Variants in UTRN observed in about 807,000 individuals in gnomAD.
UTRN encodes the protein utrophin.
In UTRN, 283 loss-of-function variants were observed where a neutral mutation model predicts 463.9. That is an observed-to-expected ratio of 0.61 (90% CI 0.55 to 0.67). UTRN has a LOEUF of 0.67. Among genes scored for constraint, UTRN ranks in the 30% least tolerant of loss-of-function variants. The pLI is 0.00. For synonymous variants in UTRN, 1,442 were observed against 1,431.5 expected (o/e 1.01, Z -0.17); for missense variants, 3,922 against 4,084.3 (o/e 0.96, Z 1.08).
chr6:144,314,885 A>G (rs559836911), intron 2 of UTRN, among the ~76,000 whole-genome samples: 1 of 152,240 alleles, frequency 6.6e-6, no homozygotes, highest in South Asian at 2.1e-4. Flanking sequence ...GTGCCATTTT[A>G]CATGTATTGC....
chr6:144,759,212 G>T (rs1792360058), intron 58 of UTRN, among the ~76,000 whole-genome samples: 1 of 151,994 alleles, frequency 6.6e-6, no homozygotes, highest in East Asian at 1.9e-4. Flanking sequence ...TTGAGAACAA[G>T]GTATTAAAGC....
intron 54 of UTRN, among the ~76,000 whole-genome samples, chr6:144,732,241 T>TATATATATATATATATATATATATAC (rs1562832431): frequency 1.1e-3 from 26 of 23,902 alleles, no homozygotes; most frequent in Admixed American, 2.3e-3. Flanking sequence ...TATATATACA[T>TATATATATATATATATATATATATAC]ATATATATAT....
chr6:144,700,938 G>A (rs529576159), intron 53 of UTRN, among the ~76,000 whole-genome samples: 10 of 144,584 alleles, frequency 6.9e-5, no homozygotes, highest in East Asian at 6.3e-4. Flanking sequence ...ATGGAGTCTC[G>A]CTCTGTTGCC....
At chr6:144,695,590 G>A (rs1268181345) in intron 52 of UTRN, among the ~76,000 whole-genome samples, 3 of 152,144 alleles carry the variant, frequency 2.0e-5, no homozygotes, top group South Asian at 2.1e-4. Flanking sequence ...TGATTCACCC[G>A]CCTCAGCCTC....
chr6:144,635,525 T>TC (rs1777058406), intron 51 of UTRN, among the ~76,000 whole-genome samples: 2 of 77,240 alleles, frequency 2.6e-5, no homozygotes, highest in Non-Finnish European at 5.0e-5. Context: ...TTTTTTTTTT[T>TC]TTTTCTTTTC....
intron 50 of UTRN, among the ~76,000 whole-genome samples, chr6:144,575,945 A>T (rs572900692): frequency 7.9e-5 from 12 of 152,280 alleles, no homozygotes; most frequent in African/African-American, 2.9e-4. Context: ...GGCAACACCT[A>T]ATCTACTTTC....
Position 144,493,304 on chromosome 6 carries a change from CTG to C in UTRN, c.4443_4444del (p.Tyr1482Ter). ...TTTTTCTTTGTTTGTTTTAAAGAAA[CTG>C]TATAAAACTTTGAGTGAAGTCAAAC... ...IQTHLDKCMK[L>X]YKTLSEVKLE... On this transcript the variant is annotated frameshift_variant, in exon 33 of 75. Coordinates refer to ENST00000367545, the MANE Select transcript of UTRN (RefSeq NM_007124.3). LOFTEE classifies it high-confidence loss of function. The C allele has an allele frequency of 6.2e-7, 1 of 1,613,210 alleles. No homozygotes were observed. The highest frequency in any genetic ancestry group is 8.5e-7 in the Non-Finnish European group (1 of 1,179,576).
intron 52 of UTRN, among the ~76,000 whole-genome samples, chr6:144,689,146 C>T (rs768017800): frequency 6.6e-6 from 1 of 152,160 alleles, no homozygotes; most frequent in African/African-American, 2.4e-5. Flanking sequence ...TGTGACTCTA[C>T]CCCTCATGTA....
At chr6:144,780,182 G>A (rs2128737586) in intron 60 of UTRN, among the ~76,000 whole-genome samples, 1 of 152,244 alleles carries the variant, frequency 6.6e-6, no homozygotes, top group South Asian at 2.1e-4. Flanking sequence ...TTAGTTAACT[G>A]TCAAAATATG....
rs147719596 is a variant in UTRN at position 144,831,420 on chromosome 6, G to GA, written c.9665+2569dup. Among the ~76,000 whole-genome samples, 986 of 152,208 alleles carry GA rather than the reference G, an allele frequency of 6.5e-3. 10 individuals are homozygous for GA. Among genetic ancestry groups the GA allele is most frequent in the African/African-American group, 0.022 (933 of 41,528 alleles). On this transcript the variant is annotated intron_variant, in intron 69 of 74. Coordinates refer to ENST00000367545, the MANE Select transcript of UTRN (RefSeq NM_007124.3). Reference sequence around the variant, plus strand: ...CTGCAGATGCTGCTGTGTTGGCTTTGAAAATGAGGAATGCAGGTGACCTCA... The same window carrying GA: ...CTGCAGATGCTGCTGTGTTGGCTTTGAAAAATGAGGAATGCAGGTGACCTCA...
At position 144,447,707 on chromosome 6, in the gene UTRN, A is replaced by G. The variant is rs777359851; in HGVS notation, c.1828A>G (p.Ile610Val). The change falls in exon 16 of 75, where the codon ATC becomes GTC. Residue 610 changes from isoleucine to valine, a missense_variant. Physicochemically the swap from Ile to Val is conservative, Grantham distance 29. This residue lies in a region of UTRN where 2,349 missense variants were observed against 2,303.8 expected (regional missense o/e 1.02). Transcript: ENST00000367545. ...LLDNSKASKKINSDSEELTQR... is the reference protein window; with the variant it reads ...LLDNSKASKKVNSDSEELTQR... ...TGATAATTCCAAGGCATCTAAGAAGATCAACAGTGACTCAGAGGAACTGAC... is the reference window on the plus strand; with the variant it reads ...TGATAATTCCAAGGCATCTAAGAAGGTCAACAGTGACTCAGAGGAACTGAC... The G allele has an allele frequency of 6.2e-7, 1 of 1,614,068 alleles. No individual in the cohort carries two copies.
At chr6:144,630,916 A>G (rs1188270035) in intron 51 of UTRN, among the ~76,000 whole-genome samples, 2 of 151,818 alleles carry the variant, frequency 1.3e-5, no homozygotes, top group African/African-American at 4.8e-5. Flanking sequence ...TTTCATCTGC[A>G]TGTAAAAAAA....
intron 51 of UTRN, among the ~76,000 whole-genome samples, chr6:144,610,182 C>T (rs1805337918): frequency 7.1e-6 from 1 of 139,954 alleles, no homozygotes; most frequent in South Asian, 2.3e-4. Context: ...AGACCATTAG[C>T]TAGACTAACC....
chr6:144,574,203 TGGGA>T (rs1801214594), intron 50 of UTRN, among the ~76,000 whole-genome samples: 1 of 152,204 alleles, frequency 6.6e-6, no homozygotes, highest in South Asian at 2.1e-4. Context: ...AGAAGTAAAC[TGGGA>T]TCAATTATGG....
intron 38 of UTRN, 143 bp downstream of exon 38, chr6:144,516,530 T>A: frequency 1.0e-6 from 1 of 997,942 alleles, no homozygotes; most frequent in Non-Finnish European, 1.4e-6. Flanking sequence ...TGTGTCAATG[T>A]AAGAGTCACA....
At position 144,517,408 on chromosome 6, in the gene UTRN, G is replaced by A. The variant is rs140652545; in HGVS notation, c.5541+460G>A. On this transcript the variant is annotated intron_variant, in intron 39 of 74. Coordinates refer to ENST00000367545, the MANE Select transcript of UTRN (RefSeq NM_007124.3). ...AGATGGGGTATCTCTATGTTGCCCA[G>A]GCTGATCTTGAACTCCTAGGCTCAA... Among the ~76,000 whole-genome samples the A allele has an allele frequency of 3.1e-3, 464 of 150,808 alleles. 1 individual carries two copies. Among genetic ancestry groups the A allele is most frequent in the Non-Finnish European group, 5.0e-3 (342 of 67,790 alleles).
intron 51 of UTRN, among the ~76,000 whole-genome samples, chr6:144,606,846 A>G (rs1219595267): frequency 1.3e-5 from 2 of 152,172 alleles, no homozygotes; most frequent in Non-Finnish European, 2.9e-5. Context: ...GTGTAAGTCA[A>G]TTAGAATAAT....
intron 61 of UTRN, among the ~76,000 whole-genome samples, chr6:144,783,140 G>A (rs983095112): frequency 2.0e-5 from 3 of 151,510 alleles, no homozygotes; most frequent in African/African-American, 7.3e-5. Flanking sequence ...AGGTTGCAGT[G>A]AGCTGAGATC....
rs140028199 is a variant in UTRN, at chr6:144,505,853, C to T, written c.4765-5091C>T. On this transcript the variant is annotated intron_variant, in intron 34 of 74. Transcript: ENST00000367545. ...GATCTGTCTAATATTGCCAGTTGGG[C>T]GTTAAAGTATCCCCCTATTATTGTG... Among the ~76,000 whole-genome samples the T allele has an allele frequency of 1.2e-4, 18 of 152,170 alleles. No individual in the cohort carries two copies. In the East Asian group the frequency reaches 2.7e-3, roughly 23 times the overall value.
Sources: gnomAD v4.1 joint callset for allele counts (sites outside exome capture counted in the v4.1 genomes callset) on GRCh38, gnomAD v4.1.1 for gene constraint, gnomAD v4.1.1 regional missense constraint, MANE v1.5 for transcripts, NCBI Gene and HGNC (gene_info 2026-07-23, HGNC 2026-07-21) for gene names.